Variants in EAF2 observed in about 807,000 individuals in gnomAD.
EAF2 encodes ELL-associated factor 2.
In EAF2, 29 loss-of-function variants were observed where a neutral mutation model predicts 29.4. The observed-to-expected ratio is 0.99, with a 90% CI of 0.73 to 1.35. EAF2 has a LOEUF of 1.35. Ranked by LOEUF, EAF2 falls within the 40% of genes most tolerant of loss-of-function variation. The probability of loss-of-function intolerance (pLI) is 0.00; values close to 1 mark genes in which losing one functional copy is unlikely to be tolerated. For missense variants in EAF2, 292 were observed against 312.0 expected, an observed-to-expected ratio of 0.94 and a Z score of 0.48; for synonymous variants, 103 against 102.5, an observed-to-expected ratio of 1.00 and a Z score of -0.03.
chr3:121,858,874 A>C (rs148072960), intron 4 of EAF2, among the ~76,000 whole-genome samples: 1 of 152,316 alleles, frequency 6.6e-6, no homozygotes, highest in African/African-American at 2.4e-5. Context: ...ATCCAGTTTC[A>C]GCTTTCTACA....
intron 1 of EAF2, among the ~76,000 whole-genome samples, chr3:121,841,406 G>C (rs1385183522): frequency 6.6e-6 from 1 of 151,066 alleles, no homozygotes. Flanking sequence ...TCAGGAGGCT[G>C]AGGCGGGAGA....
intron 5 of EAF2, among the ~76,000 whole-genome samples, chr3:121,882,491 G>A (rs1033568140): frequency 1.3e-5 from 2 of 151,946 alleles, no homozygotes; most frequent in African/African-American, 2.4e-5. Context: ...GAGCATTCCC[G>A]TTAAATTCAG....
At chr3:121,874,819 T>A (rs1357674879) in intron 5 of EAF2, among the ~76,000 whole-genome samples, 1 of 151,838 alleles carries the variant, frequency 6.6e-6, no homozygotes, top group Non-Finnish European at 1.5e-5. Flanking sequence ...AAATATAAGA[T>A]AAACATCTCT....
At chr3:121,842,211 C>T (rs1021225902) in intron 1 of EAF2, among the ~76,000 whole-genome samples, 18 of 151,810 alleles carry the variant, frequency 1.2e-4, no homozygotes, top group African/African-American at 4.4e-4. Context: ...AATAAAGTTG[C>T]GGATCAACAA....
At chr3:121,869,409 G>T (rs1708975235) in intron 4 of EAF2, among the ~76,000 whole-genome samples, 1 of 152,074 alleles carries the variant, frequency 6.6e-6, no homozygotes, top group African/African-American at 2.4e-5. Flanking sequence ...GAAAATTAAT[G>T]AAACAAAAAG....
intron 5 of EAF2, among the ~76,000 whole-genome samples, chr3:121,881,834 T>A (rs1290423834): frequency 8.5e-5 from 13 of 152,192 alleles, no homozygotes; most frequent in Admixed American, 8.5e-4. Flanking sequence ...TATTAAAAAA[T>A]TTATTCCAGT....
At chr3:121,847,257 T>C (rs1329937947) in intron 2 of EAF2, among the ~76,000 whole-genome samples, 1 of 151,970 alleles carries the variant, frequency 6.6e-6, no homozygotes, top group Non-Finnish European at 1.5e-5. Context: ...AAGATATACA[T>C]AGAATATTAA....
chr3:121,862,956 G>A (rs1708859452), intron 4 of EAF2, among the ~76,000 whole-genome samples: 1 of 152,192 alleles, frequency 6.6e-6, no homozygotes, highest in African/African-American at 2.4e-5. Context: ...TTTGCTGGAG[G>A]TGCACTCCAG....
intron 5 of EAF2, among the ~76,000 whole-genome samples, chr3:121,884,540 G>T (rs551566122): frequency 2.0e-5 from 3 of 151,146 alleles, no homozygotes; most frequent in Admixed American, 6.6e-5. Flanking sequence ...TGATTCTCCT[G>T]CCTCAGCCTC....
chr3:121,836,188 G>A (rs1369802747), intron 1 of EAF2: 2 of 152,204 alleles, frequency 1.3e-5, no homozygotes, highest in Non-Finnish European at 2.9e-5. Flanking sequence ...AACTGTCATA[G>A]AATTGTAGAG....
intron 4 of EAF2, among the ~76,000 whole-genome samples, chr3:121,862,930 C>T (rs916599968): frequency 4.6e-5 from 7 of 152,232 alleles, no homozygotes; most frequent in African/African-American, 1.4e-4. Context: ...GGACCCTCAG[C>T]TGCAGTCTGT....
In EAF2 at chr3:121,886,427, T is replaced by C; in HGVS notation, c.*39T>C. 1 of 1,226,286 alleles carries C rather than the reference T, an allele frequency of 8.2e-7. No homozygotes were observed. The highest frequency in any genetic ancestry group is 2.1e-5 in the South Asian group (1 of 48,096). 76.0% of individuals were successfully genotyped at this position (1,226,286 alleles called of 1,614,324 possible). On this transcript the variant is annotated 3_prime_UTR_variant, in exon 6 of 6. Transcript: ENST00000273668. ...TATAAATAAAAATTTATACAGCATGTATAATTTATTTTGTATTAACAATAA... is the reference window on the plus strand; with the variant it reads ...TATAAATAAAAATTTATACAGCATGCATAATTTATTTTGTATTAACAATAA...
At chr3:121,865,291 G>GGTTAA (rs147503729) in intron 4 of EAF2, among the ~76,000 whole-genome samples, 22,178 of 151,952 alleles carry the variant, frequency 0.15, 2,001 homozygotes, top group African/African-American at 0.25. Flanking sequence ...AAGTTGTAGA[G>GGTTAA]GTTAACACAA....
At chr3:121,836,858 T>A in intron 1 of EAF2, 1 of 901,522 alleles carries the variant, frequency 1.1e-6, no homozygotes, top group Non-Finnish European at 1.3e-6. Flanking sequence ...AAAATTTGCT[T>A]AAGAATATAT....
At chr3:121,877,693 ATAAT>A (rs1420712475) in intron 5 of EAF2, among the ~76,000 whole-genome samples, 7 of 152,036 alleles carry the variant, frequency 4.6e-5, no homozygotes, top group Middle Eastern at 3.2e-3. Flanking sequence ...AAAATAATAA[ATAAT>A]AAATAAAATA....
At chr3:121,851,742 G>A (rs374712687) in intron 2 of EAF2, among the ~76,000 whole-genome samples, 81 of 151,946 alleles carry the variant, frequency 5.3e-4, no homozygotes, top group Middle Eastern at 3.4e-3. Context: ...ACAGAATGGG[G>A]AACAAAATTG....
chr3:121,856,227 C>T (rs1708713728), intron 3 of EAF2, among the ~76,000 whole-genome samples: 1 of 151,596 alleles, frequency 6.6e-6, no homozygotes, highest in African/African-American at 2.4e-5. Flanking sequence ...AATCTTAGAA[C>T]TTACGGAATA....
At chr3:121,879,368 G>A (rs1709153941) in intron 5 of EAF2, among the ~76,000 whole-genome samples, 1 of 151,452 alleles carries the variant, frequency 6.6e-6, no homozygotes. Flanking sequence ...TTCTTTTGTT[G>A]TGCAGAAGCT....
At chr3:121,862,682 C>T (rs1239921979) in intron 4 of EAF2, among the ~76,000 whole-genome samples, 2 of 152,222 alleles carry the variant, frequency 1.3e-5, no homozygotes, top group African/African-American at 4.8e-5. Flanking sequence ...CTCTATTCGT[C>T]AAAGTCGTTC....
Sources: allele counts gnomAD v4.1 joint callset (sites outside exome capture counted in the v4.1 genomes callset), GRCh38; gene constraint gnomAD v4.1.1; transcripts MANE v1.5; gene names NCBI Gene and HGNC (gene_info 2026-07-23, HGNC 2026-07-21).